The following ELAVL3 variants were observed in gnomAD, a reference collection of about 807,000 sequenced individuals.
ELAVL3 encodes ELAV like RNA binding protein 3, also known as ELAV-like protein 3.
In ELAVL3, 8 loss-of-function variants were observed where a neutral mutation model predicts 34.2. That is an observed-to-expected ratio of 0.23 (90% CI 0.14 to 0.42). The LOEUF (loss-of-function observed/expected upper bound fraction) is 0.42, where lower values mean the gene tolerates loss of function less well. ELAVL3 is among the 10% of genes least tolerant of loss of function. ELAVL3 has a pLI of 1.00. For missense variants in ELAVL3, 273 were observed against 518.8 expected, an observed-to-expected ratio of 0.53 and a Z score of 4.60; for synonymous variants, 209 against 222.1, an observed-to-expected ratio of 0.94 and a Z score of 0.53.
In ELAVL3 at chr19:11,452,556, GTT is replaced by G. The variant is rs1213610476; in HGVS notation, c.*1968_*1969del. The G allele has an allele frequency of 7.8e-6, 1 of 127,950 alleles. No individual in the cohort carries two copies. Among genetic ancestry groups the G allele is most frequent in the East Asian group, 2.2e-4 (1 of 4,608 alleles). The allele number at this position is 127,950 out of a possible 1,614,324, so 7.9% of individuals were successfully genotyped here. ...TGCTTTTTTTTCCTCTTCTGTTTGT[GTT>G]TTTTTGTCGCTTTTTTGATTTTTTT... On this transcript the variant is annotated 3_prime_UTR_variant, in exon 7 of 7. Transcript: ENST00000359227.
intron 1 of ELAVL3, among the ~76,000 whole-genome samples, chr19:11,473,067 AAAAAG>A (rs1224421454): frequency 6.7e-6 from 1 of 150,368 alleles, no homozygotes; most frequent in Non-Finnish European, 1.5e-5. Context: ...ACTCTGTCTC[AAAAAG>A]AAAAGAAAAG....
chr19:11,457,218 G>A, intron 5 of ELAVL3, 70 bp from the exon 6 acceptor site: 2 of 1,468,682 alleles, frequency 1.4e-6, no homozygotes, highest in South Asian at 1.3e-5. Flanking sequence ...CCGTCGGCCT[G>A]CCCTCCCCAC....
At chr19:11,457,218 G>GCCCACCC in intron 5 of ELAVL3, 70 bp from the exon 6 acceptor site, 1 of 1,468,680 alleles carries the variant, frequency 6.8e-7, no homozygotes, top group Non-Finnish European at 9.1e-7. Context: ...CCGTCGGCCT[G>GCCCACCC]CCCTCCCCAC....
intron 1 of ELAVL3, among the ~76,000 whole-genome samples, chr19:11,478,811 C>T (rs1350490121): frequency 1.3e-5 from 2 of 152,104 alleles, no homozygotes; most frequent in African/African-American, 2.4e-5. Flanking sequence ...ACCCCCACGG[C>T]CCCCAGCTGC....
At chr19:11,472,043 T>G (rs906737125) in intron 1 of ELAVL3, among the ~76,000 whole-genome samples, 3 of 152,170 alleles carry the variant, frequency 2.0e-5, no homozygotes, top group African/African-American at 7.2e-5. Flanking sequence ...AGGTTTACCC[T>G]CACTTGAAAA....
chr19:11,468,613 T>G (rs1830974962), intron 1 of ELAVL3, among the ~76,000 whole-genome samples: 1 of 151,794 alleles, frequency 6.6e-6, no homozygotes, highest in Non-Finnish European at 1.5e-5. Context: ...GAGACGGGGT[T>G]TCACTATGTT....
At position 11,454,469 on chromosome 19, in the gene ELAVL3, T is replaced by TTCTC. The variant is rs35334288; in HGVS notation, c.*53_*56dup. ...GCCCCTTCTCTCTCTCTCTCTCTCT[T>TTCTC]TCTCTCTCTCTCTCTCTGCTGCCCG... On this transcript the variant is annotated 3_prime_UTR_variant, in exon 7 of 7. Coordinates refer to ENST00000359227, the MANE Select transcript of ELAVL3 (RefSeq NM_001420.4). The surrounding 1 kb of genome is among the most constrained non-coding windows in gnomAD (Gnocchi z 9.2). 4 of 1,185,806 alleles carry TTCTC rather than the reference T, an allele frequency of 3.4e-6. No homozygotes were observed. The highest frequency in any genetic ancestry group is 2.6e-5 in the Admixed American group (1 of 38,738). The allele number at this position is 1,185,806 out of a possible 1,614,324, so 73.5% of individuals were successfully genotyped here.
At chr19:11,470,766 C>T (rs747830543) in intron 1 of ELAVL3, among the ~76,000 whole-genome samples, 10 of 152,168 alleles carry the variant, frequency 6.6e-5, no homozygotes, top group African/African-American at 2.4e-4. Context: ...TGTTAAGGAA[C>T]GTGCTGAAGT....
At chr19:11,457,274 C>T in intron 5 of ELAVL3, 126 bp from the exon 6 acceptor site, 1 of 1,051,142 alleles carries the variant, frequency 9.5e-7, no homozygotes, top group Non-Finnish European at 1.3e-6. Context: ...CGCCTGCCTG[C>T]TCCCCGCCCG....
chr19:11,474,692 G>A (rs1427411985), intron 1 of ELAVL3, among the ~76,000 whole-genome samples: 1 of 152,120 alleles, frequency 6.6e-6, no homozygotes, highest in Admixed American at 6.6e-5. Context: ...CCAGCCTGGA[G>A]TGCAGTTATT....
rs961640847 is a variant in ELAVL3, at chr19:11,480,710, G to A, written c.-102C>T. 26 of 1,176,038 alleles carry A rather than the reference G, an allele frequency of 2.2e-5. No individual in the cohort carries two copies. Among genetic ancestry groups the A allele is most frequent in the South Asian group, 5.2e-5 (2 of 38,208 alleles). 72.9% of individuals were successfully genotyped at this position (1,176,038 alleles called of 1,614,324 possible). ...CTCACGCTGGGGTCCCGCCCGGGCG[G>A]CCTCTGGTGCGGCCGCTGCAGATGT... On this transcript the variant is annotated 5_prime_UTR_variant, in exon 1 of 7. Transcript: ENST00000359227. The surrounding 1 kb of genome is among the most constrained non-coding windows in gnomAD (Gnocchi z 6.8).
intron 3 of ELAVL3, among the ~76,000 whole-genome samples, chr19:11,461,723 C>A (rs563013734): frequency 2.0e-4 from 30 of 152,136 alleles, no homozygotes; most frequent in African/African-American, 6.0e-4. Flanking sequence ...CCTCGGCCTC[C>A]CAAAGTGCTG....
chr19:11,455,201 T>A (rs2144875414), intron 6 of ELAVL3, among the ~76,000 whole-genome samples: 1 of 152,234 alleles, frequency 6.6e-6, no homozygotes, highest in Non-Finnish European at 1.5e-5. Context: ...AGTCTCACTA[T>A]GTTGCTTAGG....
At chr19:11,462,585 G>A (rs1302891782) in intron 3 of ELAVL3, among the ~76,000 whole-genome samples, 5 of 151,586 alleles carry the variant, frequency 3.3e-5, no homozygotes, top group Non-Finnish European at 7.4e-5. Context: ...GCAGTGAGCC[G>A]AGAGCGCACC....
In ELAVL3 at chr19:11,480,885, C is replaced by T; in HGVS notation, c.-277G>A. 2.9e-6 allele frequency: 1 copy of T among 350,874 alleles called. No individual in the cohort carries two copies. The highest frequency in any genetic ancestry group is 5.1e-6 in the Non-Finnish European group (1 of 195,228). The allele number at this position is 350,874 out of a possible 1,614,324, so 21.7% of individuals were successfully genotyped here. On this transcript the variant is annotated 5_prime_UTR_variant, in exon 1 of 7. Coordinates refer to ENST00000359227, the MANE Select transcript of ELAVL3 (RefSeq NM_001420.4). The surrounding 1 kb of genome is among the most constrained non-coding windows in gnomAD (Gnocchi z 6.8). ...GGGTTGAGGACGCCCCCTGCGCGGC[C>T]CCGCGGGGCCCGGGGAGGTTGCGCT...
Position 11,466,221 on chromosome 19 carries a change from T to C in ELAVL3, c.284A>G (p.Lys95Arg). The C allele has an allele frequency of 6.2e-7, 1 of 1,613,838 alleles. No homozygotes were observed. The highest frequency in any genetic ancestry group is 8.5e-7 in the Non-Finnish European group (1 of 1,179,870). The change falls in exon 3 of 7, where the codon AAA becomes AGA. Residue 95 changes from lysine to arginine, a missense_variant. Physicochemically the swap from Lys to Arg is conservative, Grantham distance 26. This residue lies in a region of ELAVL3 where 102 missense variants were observed against 250.1 expected (regional missense o/e 0.41). Transcript: ENST00000359227. This position sits in a 1 kb window ranked among gnomAD's most constrained non-coding sequence, Gnocchi z 5.0. Reference sequence around the variant, plus strand: ...GAGGCCGTTGAGGGTGTTGATGGCTTTGTCTGCATCATTGGGGTCAGAATA... The same window carrying C: ...GAGGCCGTTGAGGGTGTTGATGGCTCTGTCTGCATCATTGGGGTCAGAATA... The part of the protein sequence containing the change: ...VNYSDPNDAD[K>R]AINTLNGLKL...
chr19:11,459,059 C>T (rs1040519763), intron 3 of ELAVL3, among the ~76,000 whole-genome samples: 3 of 151,926 alleles, frequency 2.0e-5, no homozygotes, highest in African/African-American at 4.8e-5. Context: ...GCAATCCTAC[C>T]GCCTAAGCCC....
chr19:11,457,719 C>T (rs1219369193), intron 5 of ELAVL3, among the ~76,000 whole-genome samples: 1 of 152,170 alleles, frequency 6.6e-6, no homozygotes, highest in Non-Finnish European at 1.5e-5. Flanking sequence ...ATAAGGGTGT[C>T]TAGCACACAG....
In ELAVL3 at chr19:11,451,740, T is replaced by C. The variant is rs1358056010; in HGVS notation, c.*2786A>G. Reference sequence around the variant, plus strand: ...GGAGGGGGCCTGGCTGGGCTGAGTTTTGTGTTTTAGAAAAAGAAGTCCCCT... The same window carrying C: ...GGAGGGGGCCTGGCTGGGCTGAGTTCTGTGTTTTAGAAAAAGAAGTCCCCT... On this transcript the variant is annotated 3_prime_UTR_variant, in exon 7 of 7. Transcript: ENST00000359227. The C allele has an allele frequency of 6.6e-6, 1 of 151,616 alleles. No homozygotes were observed. Among genetic ancestry groups the C allele is most frequent in the Admixed American group, 6.6e-5 (1 of 15,266 alleles). 9.4% of individuals were successfully genotyped at this position (151,616 alleles called of 1,614,324 possible).
Sources: allele counts gnomAD v4.1 joint callset (sites outside exome capture counted in the v4.1 genomes callset), GRCh38; gene constraint gnomAD v4.1.1; regional missense constraint gnomAD v4.1.1; non-coding constraint Gnocchi (gnomAD v3.1); transcripts MANE v1.5; gene names NCBI Gene and HGNC (gene_info 2026-07-23, HGNC 2026-07-21).